Variants in WWOX observed in about 807,000 individuals in gnomAD.
The protein encoded by WWOX is WW domain-containing oxidoreductase.
A neutral mutation model predicts 46.2 loss-of-function variants in WWOX; 69 were observed. That is an observed-to-expected ratio of 1.49 (90% CI 1.23 to 1.82). The LOEUF (loss-of-function observed/expected upper bound fraction) is 1.82, where lower values mean the gene tolerates loss of function less well. WWOX is among the 40% of genes most tolerant of loss of function. The pLI is 0.00. For synonymous variants in WWOX, 359 were observed against 202.6 expected (o/e 1.77, Z -6.56); for missense variants, 919 against 542.6 (o/e 1.69, Z -6.89).
At chr16:78,427,897 A>G (rs1332028082) in intron 7 of WWOX, among the ~76,000 whole-genome samples, 1 of 152,212 alleles carries the variant, frequency 6.6e-6, no homozygotes, top group Admixed American at 6.5e-5. Flanking sequence ...GCGAAACCCC[A>G]TCTCTACTAA....
At chr16:78,319,852 A>C (rs2080430099) in intron 5 of WWOX, among the ~76,000 whole-genome samples, 1 of 152,118 alleles carries the variant, frequency 6.6e-6, no homozygotes. Flanking sequence ...TTTACTCTTC[A>C]GGCATCACCT....
intron 8 of WWOX, among the ~76,000 whole-genome samples, chr16:78,940,245 A>G (rs1024316061): frequency 1.2e-4 from 18 of 152,248 alleles, no homozygotes; most frequent in African/African-American, 3.4e-4. Context: ...GAAATAGAAT[A>G]CGGAGTATAT....
chr16:78,477,528 C>T (rs540817283), intron 8 of WWOX, among the ~76,000 whole-genome samples: 9 of 151,942 alleles, frequency 5.9e-5, no homozygotes, highest in African/African-American at 1.4e-4. Flanking sequence ...GTGTTCATGC[C>T]GCAATGCACT....
chr16:78,756,285 T>C (rs944605228), intron 8 of WWOX, among the ~76,000 whole-genome samples: 5 of 152,092 alleles, frequency 3.3e-5, no homozygotes, highest in Non-Finnish European at 7.4e-5. Context: ...TTTTGTTCAC[T>C]GTCAAAACTG....
chr16:78,650,185 A>G (rs1422741239), intron 8 of WWOX, among the ~76,000 whole-genome samples: 2 of 152,206 alleles, frequency 1.3e-5, no homozygotes, highest in Admixed American at 6.5e-5. Flanking sequence ...GCTAACTTGC[A>G]TAAAAAGGAT....
At chr16:78,840,758 G>GTA (rs966182090) in intron 8 of WWOX, among the ~76,000 whole-genome samples, 24 of 151,438 alleles carry the variant, frequency 1.6e-4, no homozygotes, top group African/African-American at 3.2e-4. Flanking sequence ...ACATATATAT[G>GTA]TATATATATA....
At chr16:78,198,158 G>A (rs1330714819) in intron 5 of WWOX, among the ~76,000 whole-genome samples, 4 of 152,094 alleles carry the variant, frequency 2.6e-5, no homozygotes, top group Non-Finnish European at 4.4e-5. Flanking sequence ...CCTGGGGCAG[G>A]TGCCTCTGGG....
intron 8 of WWOX, among the ~76,000 whole-genome samples, chr16:78,688,107 T>G (rs1426917185): frequency 4.5e-5 from 3 of 66,142 alleles, no homozygotes; most frequent in African/African-American, 2.1e-4. Context: ...ATGGTTATTA[T>G]TTCTATATAT....
chr16:79,029,586 C>G (rs1188242231), intron 8 of WWOX, among the ~76,000 whole-genome samples: 1 of 152,080 alleles, frequency 6.6e-6, no homozygotes, highest in Non-Finnish European at 1.5e-5. Flanking sequence ...TTTCTATATC[C>G]TCCTCCTACC....
At chr16:78,277,964 G>T (rs1245299210) in intron 5 of WWOX, among the ~76,000 whole-genome samples, 1 of 152,166 alleles carries the variant, frequency 6.6e-6, no homozygotes, top group East Asian at 1.9e-4. Flanking sequence ...GTTAAAAAAA[G>T]TGAATTTCTT....
intron 5 of WWOX, among the ~76,000 whole-genome samples, chr16:78,354,753 T>A (rs2081250676): frequency 6.6e-6 from 1 of 152,196 alleles, no homozygotes; most frequent in African/African-American, 2.4e-5. Flanking sequence ...AATTTTGTTT[T>A]CTATTTTTCA....
rs75334522 is a variant in WWOX at position 78,540,438 on chromosome 16, G to C, written c.1056+107686G>C. ...ACATTTGCTGATTGCAAATATACTT[G>C]TCTCTTCTCATGGGCATTACTAGTA... On this transcript the variant is annotated intron_variant, in intron 8 of 8. Transcript: ENST00000566780. 4.2e-3 allele frequency among the ~76,000 whole-genome samples: 633 copies of C among 152,208 alleles called. 9 individuals are homozygous for C. Among genetic ancestry groups the C allele is most frequent in the African/African-American group, 0.014 (588 of 41,526 alleles).
At chr16:78,722,817 G>T (rs527914856) in intron 8 of WWOX, among the ~76,000 whole-genome samples, 3 of 151,752 alleles carry the variant, frequency 2.0e-5, no homozygotes, top group African/African-American at 7.3e-5. Context: ...AAGGCAGGAG[G>T]ATTGCTTGAG....
intron 8 of WWOX, among the ~76,000 whole-genome samples, chr16:78,628,227 G>T (rs1265659409): frequency 6.6e-6 from 1 of 152,164 alleles, no homozygotes; most frequent in Non-Finnish European, 1.5e-5. Flanking sequence ...GGACGGTTTG[G>T]CCAACTAAGG....
At chr16:78,913,342 G>T (rs867838030) in intron 8 of WWOX, among the ~76,000 whole-genome samples, 1 of 151,928 alleles carries the variant, frequency 6.6e-6, no homozygotes, top group East Asian at 1.9e-4. Flanking sequence ...TGCCTGTTAG[G>T]TGCAGCCATG....
chr16:78,381,929 G>C (rs2081964748), intron 5 of WWOX, among the ~76,000 whole-genome samples: 1 of 152,148 alleles, frequency 6.6e-6, no homozygotes, highest in African/African-American at 2.4e-5. Flanking sequence ...GCAGTGGCAC[G>C]ATCATGTCTC....
At chr16:78,755,454 T>A (rs1445434696) in intron 8 of WWOX, among the ~76,000 whole-genome samples, 9 of 143,906 alleles carry the variant, frequency 6.3e-5, no homozygotes, top group Admixed American at 6.0e-4. Context: ...TGATACTGAT[T>A]AATTTAAGGC....
chr16:78,554,932 C>CT lies in WWOX; in HGVS notation c.1056+122181dup, dbSNP rs1292606678. Among the ~76,000 whole-genome samples, 9 of 152,200 alleles carry CT rather than the reference C, an allele frequency of 5.9e-5. No homozygotes were observed. In the South Asian group the frequency reaches 1.5e-3, roughly 25 times the overall value. ...AAGCCTTACCCAAGCATTAATTTTG[C>CT]TGCATAGGCGGCCTGTTCTCCCACA... On this transcript the variant is annotated intron_variant, in intron 8 of 8. Transcript: ENST00000566780.
rs144948766 is a variant in WWOX, at chr16:78,386,786, C to G, written c.517-74C>G. 952 of 1,301,444 alleles carry G rather than the reference C, an allele frequency of 7.3e-4. 5 individuals carry two copies. In the African/African-American group the frequency reaches 0.013, roughly 17 times the overall value. 80.6% of individuals were successfully genotyped at this position (1,301,444 alleles called of 1,614,324 possible). ...GGGAATTCCGACATGTTCCATAACA[C>G]ATTTACTGTAACTTGATACCATGAA... is the stretch of plus-strand genomic sequence containing the variant. On this transcript the variant is annotated intron_variant, in intron 5 of 8. Coordinates refer to ENST00000566780, the MANE Select transcript of WWOX (RefSeq NM_016373.4).
Sources: gnomAD v4.1 joint callset for allele counts (sites outside exome capture counted in the v4.1 genomes callset) on GRCh38, gnomAD v4.1.1 for gene constraint, MANE v1.5 for transcripts, NCBI Gene and HGNC (gene_info 2026-07-23, HGNC 2026-07-21) for gene names.